PDZRN4: variants seen among roughly 807,000 people sequenced by gnomAD.
The protein encoded by PDZRN4 is PDZ domain containing ring finger 4, also known as PDZ domain-containing RING finger protein 4.
In PDZRN4, 70 loss-of-function variants were observed where a neutral mutation model predicts 99.0. The observed-to-expected ratio is 0.71, with a 90% confidence interval of 0.58 to 0.86. The LOEUF is 0.86. Among genes scored for constraint, PDZRN4 ranks in the 40% least tolerant of loss-of-function variants. The pLI, the probability that PDZRN4 is intolerant of heterozygous loss-of-function variation, is 0.00. For missense variants in PDZRN4, 1,474 were observed against 1,331.2 expected, an observed-to-expected ratio of 1.11 and a Z score of -1.67; for synonymous variants, 551 against 501.6, an observed-to-expected ratio of 1.10 and a Z score of -1.32.
intron 7 of PDZRN4, among the ~76,000 whole-genome samples, chr12:41,562,395 T>C (rs1253673902): frequency 6.6e-6 from 1 of 152,152 alleles, no homozygotes; most frequent in Non-Finnish European, 1.5e-5. Flanking sequence ...GTCTACTTCA[T>C]GCTTTTAAGC....
At chr12:41,498,392 A>G (rs1488355645) in intron 3 of PDZRN4, among the ~76,000 whole-genome samples, 1 of 152,154 alleles carries the variant, frequency 6.6e-6, no homozygotes, top group Non-Finnish European at 1.5e-5. Context: ...ATTTTAAAAA[A>G]TGTGTTTCTC....
intron 7 of PDZRN4, among the ~76,000 whole-genome samples, chr12:41,557,965 A>G (rs934907852): frequency 1.1e-4 from 17 of 152,204 alleles, no homozygotes; most frequent in Admixed American, 9.2e-4. Flanking sequence ...TCAATGAATG[A>G]AACCAGGGTA....
At position 41,326,989 on chromosome 12, in the gene PDZRN4, AT is replaced by A. The variant is rs574566012; in HGVS notation, c.843+132808del. On this transcript the variant is annotated intron_variant, in intron 3 of 9. Coordinates refer to ENST00000402685, the MANE Select transcript of PDZRN4 (RefSeq NM_001164595.2). Reference sequence around the variant, plus strand: ...TCTGAACTGAATTATTTCTCTCTCCATTTTTTTCAATCAGTTTCTCTCCAGG... The same window carrying A: ...TCTGAACTGAATTATTTCTCTCTCCATTTTTTCAATCAGTTTCTCTCCAGG... Among the ~76,000 whole-genome samples, 28 of 152,164 alleles carry A rather than the reference AT, an allele frequency of 1.8e-4. 1 individual carries two copies. In the South Asian group the frequency reaches 5.4e-3, roughly 29 times the overall value.
intron 5 of PDZRN4, 102 bp from the exon 6 acceptor site, chr12:41,552,554 T>C (rs1456334602): frequency 8.8e-6 from 7 of 795,730 alleles, no homozygotes; most frequent in Admixed American, 4.6e-5. Context: ...GCAATAATTA[T>C]TAATACTTGC....
intron 3 of PDZRN4, among the ~76,000 whole-genome samples, chr12:41,246,506 C>G (rs7314512): frequency 0.57 from 85,846 of 151,718 alleles, 24,353 homozygotes; most frequent in East Asian, 0.65. Context: ...AAAACGTTTG[C>G]AGTTTGTTGC....
chr12:41,543,383 T>A, intron 5 of PDZRN4, among the ~76,000 whole-genome samples: 1 of 152,084 alleles, frequency 6.6e-6, no homozygotes. Context: ...CTGATTCTGA[T>A]GAGTAGTTGC....
chr12:41,322,875 T>C (rs189341288), intron 3 of PDZRN4, among the ~76,000 whole-genome samples: 96 of 138,306 alleles, frequency 6.9e-4, no homozygotes, highest in African/African-American at 3.0e-3. Context: ...CTTTCCTTTT[T>C]TCTTTTTTTT....
At chr12:41,299,025 T>A (rs1236005091) in intron 3 of PDZRN4, among the ~76,000 whole-genome samples, 1 of 152,066 alleles carries the variant, frequency 6.6e-6, no homozygotes, top group Admixed American at 6.6e-5. Flanking sequence ...TCTGATGTCA[T>A]CCACAGAGTG....
intron 3 of PDZRN4, among the ~76,000 whole-genome samples, chr12:41,463,791 A>G (rs1465721254): frequency 6.6e-6 from 1 of 152,300 alleles, no homozygotes; most frequent in Non-Finnish European, 1.5e-5. Context: ...TGTTGAATTT[A>G]TTATCAGAAA....
Position 41,244,689 on chromosome 12 carries a change from TC to T in PDZRN4, c.843+50502del, listed in dbSNP as rs1295856632. 7.5e-3 allele frequency among the ~76,000 whole-genome samples: 265 copies of T among 35,222 alleles called. 8 individuals are homozygous for T. Among genetic ancestry groups the T allele is most frequent in the African/African-American group, 0.023 (243 of 10,530 alleles). The allele number at this position is 35,222 out of a possible 152,430, so 23.1% of individuals were successfully genotyped here. On this transcript the variant is annotated intron_variant, in intron 3 of 9. Coordinates refer to ENST00000402685, the MANE Select transcript of PDZRN4 (RefSeq NM_001164595.2). The stretch of plus-strand genomic sequence containing the variant: ...TGTCTTTTTTTTTTTTTTTTTTTTT[TC>T]TTTTTGAGACGGAGTCTCGCTCTGT...
intron 3 of PDZRN4, among the ~76,000 whole-genome samples, chr12:41,467,622 G>A (rs1039667379): frequency 6.6e-6 from 1 of 152,154 alleles, no homozygotes; most frequent in African/African-American, 2.4e-5. Context: ...ACACAGCAGT[G>A]TTTTGCAGGT....
chr12:41,346,734 G>T lies in PDZRN4; in HGVS notation c.843+152546G>T, dbSNP rs192965669. 3.4e-4 allele frequency among the ~76,000 whole-genome samples: 52 copies of T among 152,144 alleles called. 1 individual carries two copies. In the East Asian group the frequency reaches 9.7e-3, roughly 28 times the overall value. ...AATTCAATGGTTTTGGAAATGTTTG[G>T]TTTTTTGGTTTATTACAGCAATCTA... On this transcript the variant is annotated intron_variant, in intron 3 of 9. Coordinates refer to ENST00000402685, the MANE Select transcript of PDZRN4 (RefSeq NM_001164595.2).
intron 3 of PDZRN4, among the ~76,000 whole-genome samples, chr12:41,447,669 C>T (rs1952740510): frequency 6.6e-6 from 1 of 152,026 alleles, no homozygotes. Flanking sequence ...AATACTGTCC[C>T]CATTTTACAG....
intron 3 of PDZRN4, among the ~76,000 whole-genome samples, chr12:41,480,843 G>A (rs376262991): frequency 2.6e-5 from 4 of 152,034 alleles, no homozygotes; most frequent in East Asian, 3.9e-4. Flanking sequence ...GAATAAATAC[G>A]ATTTCAGCAG....
intron 3 of PDZRN4, among the ~76,000 whole-genome samples, chr12:41,280,865 A>G (rs975300601): frequency 2.0e-5 from 3 of 152,168 alleles, no homozygotes; most frequent in African/African-American, 7.2e-5. Flanking sequence ...CAGCTCTGAG[A>G]ACGGACAGAC....
chr12:41,412,664 A>C (rs1003765334), intron 3 of PDZRN4: 1 of 152,218 alleles, frequency 6.6e-6, no homozygotes, highest in African/African-American at 2.4e-5. Context: ...TGATGTGGCT[A>C]TGAATCATAT....
intron 3 of PDZRN4, among the ~76,000 whole-genome samples, chr12:41,464,429 G>A (rs577560459): frequency 1.3e-5 from 2 of 152,310 alleles, no homozygotes; most frequent in Admixed American, 6.5e-5. Flanking sequence ...ACTGGAGTCA[G>A]TCATTCATTC....
chr12:41,370,197 G>A (rs897495057), intron 3 of PDZRN4, among the ~76,000 whole-genome samples: 8 of 151,698 alleles, frequency 5.3e-5, no homozygotes, highest in Non-Finnish European at 7.4e-5. Context: ...CTTTTATCTC[G>A]ATTCTATTCC....
At chr12:41,235,172 G>T (rs559840933) in intron 3 of PDZRN4, among the ~76,000 whole-genome samples, 52 of 152,140 alleles carry the variant, frequency 3.4e-4, no homozygotes, top group African/African-American at 1.2e-3. Flanking sequence ...ATTTTATGTT[G>T]TTCAGATATA....
Sources: allele counts gnomAD v4.1 joint callset (sites outside exome capture counted in the v4.1 genomes callset), GRCh38; gene constraint gnomAD v4.1.1; transcripts MANE v1.5; gene names NCBI Gene and HGNC (gene_info 2026-07-23, HGNC 2026-07-21).